Variants in TBCD observed in about 807,000 individuals in gnomAD.
The protein encoded by TBCD is tubulin-specific chaperone D.
A neutral mutation model predicts 169.3 loss-of-function variants in TBCD; 105 were observed. The observed-to-expected ratio is 0.62, with a 90% CI of 0.53 to 0.73. The LOEUF (loss-of-function observed/expected upper bound fraction) is 0.73. Among genes scored for constraint, TBCD ranks in the 30% least tolerant of loss-of-function variants. The probability of loss-of-function intolerance (pLI) is 0.00; values close to 1 mark genes in which losing one functional copy is unlikely to be tolerated. For synonymous variants in TBCD, 700 were observed against 643.9 expected (o/e 1.09, Z -1.32); for missense variants, 1,444 against 1,600.1 (o/e 0.90, Z 1.66).
chr17:82,766,119 C>T (rs1351818503), intron 3 of TBCD, 148 bp from the exon 4 acceptor site: 1 of 662,892 alleles, frequency 1.5e-6, no homozygotes. Context: ...TGACTACGGT[C>T]TTACTAAATT....
intron 37 of TBCD, among the ~76,000 whole-genome samples, chr17:82,940,240 C>CACAA (rs2063050590): frequency 6.6e-6 from 1 of 151,076 alleles, no homozygotes; most frequent in South Asian, 2.1e-4. Flanking sequence ...CACACACACA[C>CACAA]ACACACTTCT....
chr17:82,906,812 A>T (rs77343232), intron 20 of TBCD, among the ~76,000 whole-genome samples: 3,378 of 152,362 alleles, frequency 0.022, 143 homozygotes, highest in African/African-American at 0.077. Flanking sequence ...TGCAGAGTGC[A>T]GCTCCTTCAG....
In TBCD at chr17:82,923,621, C is replaced by G; in HGVS notation, c.2179-31C>G. 6.5e-7 allele frequency: 1 copy of G among 1,540,068 alleles called. No homozygotes were observed. ...CCGGGGGCTTCTCCGAGCAGAGCTG[C>G]TGTGCGCTCACCGTGCTGCCTTTGT... On this transcript the variant is annotated intron_variant, in intron 25 of 38. Coordinates refer to ENST00000355528, the MANE Select transcript of TBCD (RefSeq NM_005993.5). This position sits in a 1 kb window ranked among gnomAD's most constrained non-coding sequence, Gnocchi z 4.6.
intron 8 of TBCD, 129 bp downstream of exon 8, chr17:82,797,931 C>CTTTTT (rs1274506473): frequency 6.7e-6 from 1 of 150,200 alleles, no homozygotes; most frequent in Non-Finnish European, 1.1e-5. Context: ...CACTATCGTT[C>CTTTTT]TTTTTTTTGT....
chr17:82,786,498 G>T (rs372317712), intron 7 of TBCD, among the ~76,000 whole-genome samples: 1 of 152,160 alleles, frequency 6.6e-6, no homozygotes, highest in South Asian at 2.1e-4. Context: ...TGCAGCTCTC[G>T]TCAGCCTGGC....
At chr17:82,861,576 G>C (rs938282050) in intron 13 of TBCD, among the ~76,000 whole-genome samples, 9 of 152,224 alleles carry the variant, frequency 5.9e-5, no homozygotes, top group Admixed American at 4.6e-4. Context: ...CCATGTGTCC[G>C]GAGAGGGCTG....
intron 23 of TBCD, among the ~76,000 whole-genome samples, 172 bp downstream of exon 23, chr17:82,911,961 C>T (rs1035157193): frequency 3.3e-5 from 5 of 151,952 alleles, no homozygotes; most frequent in African/African-American, 9.7e-5. Context: ...GTGGTTCCTA[C>T]GAGGGAGAGA....
chr17:82,876,001 T>C (rs1349408040), intron 14 of TBCD, among the ~76,000 whole-genome samples: 1 of 152,196 alleles, frequency 6.6e-6, no homozygotes, highest in Non-Finnish European at 1.5e-5. Flanking sequence ...AATAACAAAT[T>C]ACTAGTCTGA....
chr17:82,809,665 A>G (rs768558433), intron 11 of TBCD, 43 bp from the exon 12 acceptor site: 2 of 1,599,534 alleles, frequency 1.3e-6, no homozygotes, highest in South Asian at 1.1e-5. Flanking sequence ...CCTTGGCGAC[A>G]GGCTGGTGGT....
intron 13 of TBCD, among the ~76,000 whole-genome samples, chr17:82,848,705 A>C (rs1223853851): frequency 1.3e-5 from 2 of 152,142 alleles, no homozygotes; most frequent in East Asian, 3.9e-4. Flanking sequence ...AACAGTGAAA[A>C]ACCTAACGAT....
At chr17:82,795,549 A>C in intron 7 of TBCD, 1 of 985,592 alleles carries the variant, frequency 1.0e-6, no homozygotes, top group Non-Finnish European at 1.2e-6. Flanking sequence ...TGCTGTTGGA[A>C]TCTGGTCATG....
intron 14 of TBCD, among the ~76,000 whole-genome samples, chr17:82,882,317 T>C (rs980838391): frequency 2.6e-5 from 4 of 151,858 alleles, no homozygotes; most frequent in African/African-American, 9.7e-5. Context: ...TCAAGCCCAT[T>C]CCCCCCCAGC....
intron 7 of TBCD, among the ~76,000 whole-genome samples, chr17:82,794,884 G>A (rs2049991186): frequency 6.6e-6 from 1 of 152,226 alleles, no homozygotes; most frequent in Admixed American, 6.5e-5. Flanking sequence ...GTAGAGAGAA[G>A]TGTGAGGAGA....
At chr17:82,773,206 G>T (rs116154565) in intron 6 of TBCD, among the ~76,000 whole-genome samples, 1 of 152,160 alleles carries the variant, frequency 6.6e-6, no homozygotes, top group Admixed American at 6.5e-5. Flanking sequence ...TGGGAATACG[G>T]TCAGTGCCTC....
Position 82,911,783 on chromosome 17 carries a change from C to G in TBCD, c.2032C>G (p.Gln678Glu). 2 of 1,613,906 alleles carry G rather than the reference C, an allele frequency of 1.2e-6. No individual in the cohort carries two copies. The highest frequency in any genetic ancestry group is 2.2e-5 in the South Asian group (2 of 91,046). ...GGGTCTGGGAGGACAGCTCATGAGACAAGCAGGTAAGTCTGAAGGCCTTTG... is the reference window on the plus strand; with the variant it reads ...GGGTCTGGGAGGACAGCTCATGAGAGAAGCAGGTAAGTCTGAAGGCCTTTG... Reference protein sequence around the residue: ...YRGLGGQLMRQAVCVLIEKLS... With the variant: ...YRGLGGQLMREAVCVLIEKLS... The change falls in exon 23 of 39, where the codon CAA becomes GAA. Residue 678 changes from glutamine to glutamate, a missense_variant. Gln to Glu is a conservative substitution (Grantham distance 29). Transcript: ENST00000355528.
chr17:82,919,154 G>A (rs1356818823), intron 23 of TBCD, among the ~76,000 whole-genome samples: 1 of 152,166 alleles, frequency 6.6e-6, no homozygotes, highest in African/African-American at 2.4e-5. Context: ...GTCTCGCCCG[G>A]CGCTTCCTTT....
chr17:82,860,731 G>A (rs968721784), intron 13 of TBCD, among the ~76,000 whole-genome samples: 3 of 152,204 alleles, frequency 2.0e-5, no homozygotes, highest in Non-Finnish European at 4.4e-5. Context: ...GACGGGGTTC[G>A]GTTCCACCCC....
At chr17:82,768,347 CTT>C (rs2048130177) in intron 4 of TBCD, 71 bp from the exon 5 acceptor site, 3 of 1,582,234 alleles carry the variant, frequency 1.9e-6, no homozygotes, top group Non-Finnish European at 2.6e-6. Flanking sequence ...AGGGCAGTGA[CTT>C]TGAGTAGATT....
intron 13 of TBCD, among the ~76,000 whole-genome samples, chr17:82,868,538 G>A (rs1022038697): frequency 1.3e-5 from 2 of 152,174 alleles, no homozygotes; most frequent in Non-Finnish European, 2.9e-5. Flanking sequence ...TCATTTTTAT[G>A]TAGTTTTAGT....
Sources: allele counts gnomAD v4.1 joint callset (sites outside exome capture counted in the v4.1 genomes callset), GRCh38; gene constraint gnomAD v4.1.1; non-coding constraint Gnocchi (gnomAD v3.1); transcripts MANE v1.5; gene names NCBI Gene and HGNC (gene_info 2026-07-23, HGNC 2026-07-21).